Variants in SIPA1L3 observed in about 807,000 individuals in gnomAD.
The protein encoded by SIPA1L3 is signal-induced proliferation-associated 1-like protein 3.
In SIPA1L3, 59 loss-of-function variants were observed where a neutral mutation model predicts 150.1. The observed-to-expected ratio is 0.39, with a 90% CI of 0.32 to 0.49. The LOEUF is 0.49. SIPA1L3 is among the 20% of genes least tolerant of loss of function. The pLI is 0.86. For synonymous variants in SIPA1L3, 1,070 were observed against 1,077.6 expected, an observed-to-expected ratio of 0.99 and a Z score of 0.14; for missense variants, 2,211 against 2,489.5, an observed-to-expected ratio of 0.89 and a Z score of 2.38.
chr19:38,099,396 G>A (rs552802418), intron 4 of SIPA1L3, among the ~76,000 whole-genome samples: 1 of 150,060 alleles, frequency 6.7e-6, no homozygotes, highest in South Asian at 2.1e-4. Flanking sequence ...CAAGATCCAA[G>A]ATGATGCCAG....
chr19:38,189,016 C>G (rs1229778977), intron 16 of SIPA1L3, among the ~76,000 whole-genome samples: 1 of 152,150 alleles, frequency 6.6e-6, no homozygotes, highest in South Asian at 2.1e-4. Flanking sequence ...CTGCATCCTT[C>G]CAGAAATGTT....
chr19:38,082,009 C>A lies in SIPA1L3; in HGVS notation c.444C>A (p.Asp148Glu). ...FHRLSRRRSK[D>E]VEFQDGWPRS... is the part of the protein sequence containing the mutation. ...GACTCTCCAGGAGAAGGTCCAAAGACGTGGAGTTCCAGGACGGGTGGCCCC... is the reference window on the plus strand; with the variant it reads ...GACTCTCCAGGAGAAGGTCCAAAGAAGTGGAGTTCCAGGACGGGTGGCCCC... Residue 148 changes from aspartate to glutamate, a missense_variant, in exon 3 of 22, where the codon GAC becomes GAA. Around this residue, in one of 5 missense-constraint regions of SIPA1L3, gnomAD observed 587 missense variants for 534.5 expected, o/e 1.10. Transcript: ENST00000222345. The A allele has an allele frequency of 6.2e-7, 1 of 1,614,206 alleles. No homozygotes were observed. Among genetic ancestry groups the A allele is most frequent in the Non-Finnish European group, 8.5e-7 (1 of 1,180,002 alleles).
intron 2 of SIPA1L3, among the ~76,000 whole-genome samples, chr19:38,035,784 G>C (rs928365282): frequency 6.6e-6 from 1 of 152,136 alleles, no homozygotes; most frequent in Non-Finnish European, 1.5e-5. Context: ...TAATGAGGAG[G>C]AGGAGGATGG....
At chr19:38,178,856 C>T (rs1471040654) in intron 15 of SIPA1L3, among the ~76,000 whole-genome samples, 1 of 152,136 alleles carries the variant, frequency 6.6e-6, no homozygotes, top group African/African-American at 2.4e-5. Context: ...GCATTCCTGA[C>T]CATTCTTGGT....
At chr19:37,963,975 CAT>C (rs1171884238) in intron 1 of SIPA1L3, 1 of 152,042 alleles carries the variant, frequency 6.6e-6, no homozygotes, top group Non-Finnish European at 1.5e-5. Context: ...CAATTGCAAA[CAT>C]ATAAGAAGTG....
intron 1 of SIPA1L3, among the ~76,000 whole-genome samples, chr19:37,934,384 G>A (rs938187627): frequency 1.3e-5 from 2 of 152,164 alleles, no homozygotes; most frequent in Non-Finnish European, 2.9e-5. Flanking sequence ...CTCCCAGTGC[G>A]GGAGTTTGGG....
At chr19:38,026,269 C>T (rs1313673416) in intron 1 of SIPA1L3, among the ~76,000 whole-genome samples, 3 of 152,174 alleles carry the variant, frequency 2.0e-5, no homozygotes, top group African/African-American at 7.2e-5. Flanking sequence ...CTAGTAGATT[C>T]AACCAACTTA....
chr19:38,050,857 A>G (rs991417346), intron 2 of SIPA1L3, among the ~76,000 whole-genome samples: 1 of 152,046 alleles, frequency 6.6e-6, no homozygotes, highest in Admixed American at 6.5e-5. Flanking sequence ...CCAGGAGTTC[A>G]AGACCAGCCT....
intron 2 of SIPA1L3, among the ~76,000 whole-genome samples, chr19:38,048,796 A>G (rs1047417047): frequency 6.6e-6 from 1 of 152,128 alleles, no homozygotes; most frequent in Non-Finnish European, 1.5e-5. Context: ...GTTAACACCC[A>G]AAAAAGGGGG....
chr19:38,017,580 G>C (rs890069593), intron 1 of SIPA1L3, among the ~76,000 whole-genome samples: 2 of 150,116 alleles, frequency 1.3e-5, no homozygotes, highest in Non-Finnish European at 3.0e-5. Flanking sequence ...GCTGGAATGT[G>C]GTGGTGTCAT....
Position 38,206,260 on chromosome 19 carries a change from C to T in SIPA1L3, c.*20C>T. 6.6e-7 allele frequency: 1 copy of T among 1,525,996 alleles called. No individual in the cohort carries two copies. The highest frequency in any genetic ancestry group is 8.8e-7 in the Non-Finnish European group (1 of 1,131,198). 94.5% of individuals were successfully genotyped at this position (1,525,996 alleles called of 1,614,324 possible). A position where few individuals can be genotyped will look rare whatever the true frequency, so the allele number is the denominator to read the frequency against. The stretch of plus-strand genomic sequence containing the variant: ...CTCTGAGGTGGGAGGCCGCCGCCCG[C>T]CTTCGCTCCTTCCCCTCAGGCCGTG... On this transcript the variant is annotated 3_prime_UTR_variant, in exon 22 of 22. Coordinates refer to ENST00000222345, the MANE Select transcript of SIPA1L3 (RefSeq NM_015073.3).
intron 1 of SIPA1L3, among the ~76,000 whole-genome samples, chr19:37,971,338 A>G (rs1966929042): frequency 6.6e-6 from 1 of 151,986 alleles, no homozygotes. Context: ...CTCTTTAATC[A>G]TCATAACAAT....
intron 1 of SIPA1L3, among the ~76,000 whole-genome samples, chr19:37,956,655 T>C (rs2046814551): frequency 6.6e-6 from 1 of 152,044 alleles, no homozygotes. Context: ...AGCTAATTTT[T>C]GTATTTTTAG....
chr19:37,923,403 C>T (rs2145486378), intron 1 of SIPA1L3, among the ~76,000 whole-genome samples: 1 of 152,228 alleles, frequency 6.6e-6, no homozygotes, highest in East Asian at 1.9e-4. Context: ...ACACATGTGA[C>T]TGCCCTGAAT....
intron 18 of SIPA1L3, among the ~76,000 whole-genome samples, chr19:38,196,739 A>G (rs1379896587): frequency 6.6e-6 from 1 of 151,798 alleles, no homozygotes; most frequent in Non-Finnish European, 1.5e-5. Flanking sequence ...AGGGCAGAGC[A>G]TGGAGGCCGA....
At chr19:38,193,110 G>A (rs1972839621) in intron 17 of SIPA1L3, among the ~76,000 whole-genome samples, 1 of 151,942 alleles carries the variant, frequency 6.6e-6, no homozygotes, top group African/African-American at 2.4e-5. Context: ...GGGTGGCTAA[G>A]GTGAGAGGAT....
chr19:37,934,990 T>C (rs959643338), intron 1 of SIPA1L3, among the ~76,000 whole-genome samples: 35 of 152,194 alleles, frequency 2.3e-4, no homozygotes, highest in South Asian at 4.2e-4. Flanking sequence ...TCCCACAAAT[T>C]ATTATTTTTA....
At chr19:38,023,678 C>T (rs705503) in intron 1 of SIPA1L3, among the ~76,000 whole-genome samples, 100,953 of 152,076 alleles carry the variant, frequency 0.66, 34,490 homozygotes, top group East Asian at 0.9. Flanking sequence ...GAAAGGAGAG[C>T]GAAGCTTACA....
intron 2 of SIPA1L3, among the ~76,000 whole-genome samples, chr19:38,043,568 C>G (rs1431330527): frequency 2.0e-5 from 3 of 152,108 alleles, no homozygotes; most frequent in Non-Finnish European, 4.4e-5. Flanking sequence ...ACACATCAGG[C>G]CCAAGAGGTT....
Sources: gnomAD v4.1 joint callset for allele counts (sites outside exome capture counted in the v4.1 genomes callset) on GRCh38, gnomAD v4.1.1 for gene constraint, gnomAD v4.1.1 regional missense constraint, MANE v1.5 for transcripts, NCBI Gene and HGNC (gene_info 2026-07-23, HGNC 2026-07-21) for gene names.